The following METRNL variants were observed in gnomAD, a reference collection of about 807,000 sequenced individuals.
The protein encoded by METRNL is meteorin like, glial cell differentiation regulator, also known as meteorin-like protein.
Under a neutral mutation model 17.4 loss-of-function variants are expected in METRNL, and 9 were observed. That is an observed-to-expected ratio of 0.52 (90% CI 0.31 to 0.90). METRNL has a LOEUF of 0.90. METRNL is among the 40% of genes least tolerant of loss of function. The pLI is 0.05. For synonymous variants in METRNL, 215 were observed against 199.3 expected, an observed-to-expected ratio of 1.08 and a Z score of -0.66; for missense variants, 408 against 430.7, an observed-to-expected ratio of 0.95 and a Z score of 0.47.
At position 83,094,599 on chromosome 17, in the gene METRNL, C is replaced by A; in HGVS notation, c.*24C>A. 1 of 1,429,098 alleles carries A rather than the reference C, an allele frequency of 7.0e-7. No individual in the cohort carries two copies. Among genetic ancestry groups the A allele is most frequent in the African/African-American group, 1.4e-5 (1 of 69,536 alleles). 88.5% of individuals were successfully genotyped at this position (1,429,098 alleles called of 1,614,324 possible). ...GACTCCGTGGGCCGCTGCCCTTCCT[C>A]TCCTGATGAGTCACAGGCTGCGGTG... On this transcript the variant is annotated 3_prime_UTR_variant, in exon 4 of 4. Coordinates refer to ENST00000320095, the MANE Select transcript of METRNL (RefSeq NM_001004431.3).
In METRNL at chr17:83,094,361, A is replaced by C; in HGVS notation, c.722A>C (p.Glu241Ala). 1 of 1,610,940 alleles carries C rather than the reference A, an allele frequency of 6.2e-7. No homozygotes were observed. Among genetic ancestry groups the C allele is most frequent in the Non-Finnish European group, 8.5e-7 (1 of 1,178,602 alleles). ...RLYRQKSRVF[E>A]PVPEGDGHWQ... ...TATCGGCAGAAAAGCAGGGTCTTCG[A>C]GCCGGTGCCCGAGGGTGACGGCCAC... The change falls in exon 4 of 4, where the codon GAG becomes GCG. Residue 241 changes from glutamate (E) to alanine (A), a missense_variant. Physicochemically the swap from Glu to Ala is moderately radical, Grantham distance 107 (BLOSUM62 -1). Transcript: ENST00000320095.
In METRNL at chr17:83,094,464, G is replaced by C; in HGVS notation, c.825G>C (p.Met275Ile). ...GCGACTTCCTCTTCACTGGCCACATGCACTTCGGGGAGGCGCGGCTCGGCT... is the reference window on the plus strand; with the variant it reads ...GCGACTTCCTCTTCACTGGCCACATCCACTTCGGGGAGGCGCGGCTCGGCT... Reference protein sequence around the residue: ...GHGDFLFTGHMHFGEARLGCA... With the variant: ...GHGDFLFTGHIHFGEARLGCA... The change falls in exon 4 of 4, where the codon ATG becomes ATC. Residue 275 changes from methionine (M) to isoleucine (I), a missense_variant. Met to Ile is a conservative substitution (Grantham distance 10). Transcript: ENST00000320095. 1 of 1,590,640 alleles carries C rather than the reference G, an allele frequency of 6.3e-7. No homozygotes were observed. The highest frequency in any genetic ancestry group is 8.6e-7 in the Non-Finnish European group (1 of 1,163,014).
intron 3 of METRNL, 40 bp downstream of exon 3, chr17:83,093,266 G>A (rs774370550): frequency 6.4e-7 from 1 of 1,551,090 alleles, no homozygotes. Flanking sequence ...CTGTGCTCCT[G>A]GTTTCTGCCA....
rs1343020567 is a variant in METRNL at position 83,094,961 on chromosome 17, A to G, written c.*386A>G. ...AAGCACTGGCCGTTGGGCACAGTGG[A>G]TGTGTGAAAAGGTGCCATTCAGAGT... On this transcript the variant is annotated 3_prime_UTR_variant, in exon 4 of 4. Transcript: ENST00000320095. 2 of 217,602 alleles carry G rather than the reference A, an allele frequency of 9.2e-6. No individual in the cohort carries two copies. Among genetic ancestry groups the G allele is most frequent in the South Asian group, 1.8e-4 (1 of 5,454 alleles). The allele number at this position is 217,602 out of a possible 1,614,324, so 13.5% of individuals were successfully genotyped here.
chr17:83,087,841 C>G (rs1442281247), intron 2 of METRNL, among the ~76,000 whole-genome samples: 4 of 152,138 alleles, frequency 2.6e-5, no homozygotes, highest in African/African-American at 7.3e-5. Context: ...ACGAGCTCGT[C>G]TGTGTGTCAG....
chr17:83,080,579 C>T (rs867157089), intron 1 of METRNL, among the ~76,000 whole-genome samples: 4 of 93,258 alleles, frequency 4.3e-5, no homozygotes, highest in Admixed American at 9.8e-5. Flanking sequence ...CCCCCCCCCC[C>T]ACCCGCGGTG....
chr17:83,083,384 T>C (rs988571374), intron 1 of METRNL, among the ~76,000 whole-genome samples: 2 of 152,144 alleles, frequency 1.3e-5, no homozygotes, highest in Non-Finnish European at 2.9e-5. Flanking sequence ...AGGAGGACAG[T>C]GGCCTCGATG....
chr17:83,083,592 C>T (rs2038014827), intron 1 of METRNL, among the ~76,000 whole-genome samples: 2 of 152,152 alleles, frequency 1.3e-5, no homozygotes, highest in Admixed American at 6.5e-5. Flanking sequence ...GTGATCCTGG[C>T]AGCCGGCTAG....
chr17:83,089,691 C>T (rs372887515), intron 2 of METRNL, among the ~76,000 whole-genome samples: 2 of 152,152 alleles, frequency 1.3e-5, no homozygotes, highest in Admixed American at 6.5e-5. Context: ...GTGAGCAGCG[C>T]GTTCCGCAGC....
At chr17:83,080,435 G>A (rs1421884635) in intron 1 of METRNL, among the ~76,000 whole-genome samples, 1 of 150,376 alleles carries the variant, frequency 6.6e-6, no homozygotes, top group East Asian at 2.0e-4. Context: ...CGCAGCGGGG[G>A]CCACTTCCGT....
intron 1 of METRNL, chr17:83,082,223 C>T (rs1353282344): frequency 2.0e-6 from 2 of 985,354 alleles, no homozygotes; most frequent in Non-Finnish European, 2.4e-6. Flanking sequence ...TGGTTCGTCT[C>T]TCCTGCAAGG....
At chr17:83,086,762 G>A (rs776281072) in intron 2 of METRNL, among the ~76,000 whole-genome samples, 3 of 152,176 alleles carry the variant, frequency 2.0e-5, no homozygotes, top group South Asian at 2.1e-4. Flanking sequence ...GGTGTAGTCC[G>A]TCCCTGCCAC....
At chr17:83,082,011 G>T (rs866093011) in intron 1 of METRNL, 1 of 887,910 alleles carries the variant, frequency 1.1e-6, no homozygotes, top group Non-Finnish European at 1.3e-6. Context: ...CTGGAAAGTT[G>T]CCCCTCATGA....
chr17:83,079,915 C>A lies in METRNL; in HGVS notation c.100C>A (p.Leu34Met). The A allele has an allele frequency of 1.0e-6, 1 of 1,002,228 alleles. No individual in the cohort carries two copies. Among genetic ancestry groups the A allele is most frequent in the Non-Finnish European group, 1.2e-6 (1 of 842,748 alleles). 62.1% of individuals were successfully genotyped at this position (1,002,228 alleles called of 1,614,324 possible). ...CCCGCCGCCGCTCCCGCTGCTGCTC[C>A]TGCTCCTGGCCGGGCTGCTGGGCGG... ...PPPPPLPLLL[L>M]LLAGLLGGAG... Residue 34 changes from leucine (L) to methionine (M), a missense_variant, in exon 1 of 4, where the codon CTG becomes ATG. By Grantham distance (15) the Leu-to-Met change is conservative (BLOSUM62 2). Transcript: ENST00000320095.
chr17:83,084,939 G>T lies in METRNL; in HGVS notation c.172G>T (p.Gly58Trp). ...GCTGACAGTGTCTCTCCTCTGCAGC[G>T]GGCTGACGCACGAGGCACACAGGAA... ...SSDRCSWKGSGLTHEAHRKEV... is the reference protein window; with the variant it reads ...SSDRCSWKGSWLTHEAHRKEV... The change falls in exon 2 of 4, where the codon GGG becomes TGG. Residue 58 changes from glycine (G) to tryptophan (W), a missense_variant and splice_region_variant. Gly to Trp is a radical substitution (Grantham distance 184). Coordinates refer to ENST00000320095, the MANE Select transcript of METRNL (RefSeq NM_001004431.3). The T allele has an allele frequency of 1.2e-6, 2 of 1,609,620 alleles. No individual in the cohort carries two copies. Among genetic ancestry groups the T allele is most frequent in the Non-Finnish European group, 1.7e-6 (2 of 1,177,672 alleles).
chr17:83,083,823 G>A (rs926321821), intron 1 of METRNL, among the ~76,000 whole-genome samples: 6 of 152,230 alleles, frequency 3.9e-5, no homozygotes, highest in Admixed American at 3.9e-4. Flanking sequence ...TCTGGAAACA[G>A]CATTGCTTAT....
intron 2 of METRNL, among the ~76,000 whole-genome samples, chr17:83,090,909 A>AG (rs1238374486): frequency 6.6e-6 from 1 of 152,054 alleles, no homozygotes; most frequent in Non-Finnish European, 1.5e-5. Context: ...TGCCTGCATC[A>AG]GGCCCAGCAT....
In METRNL at chr17:83,094,962, T is replaced by C. The variant is rs2038186842; in HGVS notation, c.*387T>C. The C allele has an allele frequency of 4.6e-6, 1 of 218,014 alleles. No individual in the cohort carries two copies. The highest frequency in any genetic ancestry group is 8.9e-6 in the Non-Finnish European group (1 of 111,924). 13.5% of individuals were successfully genotyped at this position (218,014 alleles called of 1,614,324 possible). A position where few individuals can be genotyped will look rare whatever the true frequency, so the allele number is the denominator to read the frequency against. On this transcript the variant is annotated 3_prime_UTR_variant, in exon 4 of 4. Coordinates refer to ENST00000320095, the MANE Select transcript of METRNL (RefSeq NM_001004431.3). The stretch of plus-strand genomic sequence containing the variant: ...AGCACTGGCCGTTGGGCACAGTGGA[T>C]GTGTGAAAAGGTGCCATTCAGAGTT...
At chr17:83,093,892 G>A (rs1425458423) in intron 3 of METRNL, among the ~76,000 whole-genome samples, 2 of 152,200 alleles carry the variant, frequency 1.3e-5, no homozygotes, top group African/African-American at 4.8e-5. Context: ...AGTGTGGCGC[G>A]AAGGCTGTCC....
Sources: gnomAD v4.1 joint callset for allele counts (sites outside exome capture counted in the v4.1 genomes callset) on GRCh38, gnomAD v4.1.1 for gene constraint, MANE v1.5 for transcripts, NCBI Gene and HGNC (gene_info 2026-07-23, HGNC 2026-07-21) for gene names.